The following GRAMD1C variants were observed in gnomAD, a reference collection of about 807,000 sequenced individuals.
GRAMD1C encodes the protein protein Aster-C.
GRAMD1C carries 89 observed loss-of-function variants against 97.8 expected under a neutral mutation model. That is an observed-to-expected ratio of 0.91 (90% CI 0.77 to 1.09). The LOEUF is 1.09. GRAMD1C is among the 50% of genes least tolerant of loss of function. GRAMD1C has a pLI of 0.00. For missense variants in GRAMD1C, 740 were observed against 766.4 expected (o/e 0.97, Z 0.41); for synonymous variants, 256 against 267.0 (o/e 0.96, Z 0.40).
upstream of GRAMD1C, chr3:113,838,761 A>G: frequency 2.3e-6 from 1 of 437,390 alleles, no homozygotes; most frequent in Non-Finnish European, 3.7e-6. Flanking sequence ...CGGCCGCCAG[A>G]GGGCGCAAGG....
intron 11 of GRAMD1C, among the ~76,000 whole-genome samples, chr3:113,931,740 G>A (rs1014319242): frequency 4.6e-5 from 7 of 152,016 alleles, no homozygotes; most frequent in African/African-American, 7.2e-5. Flanking sequence ...ATCAGACTGC[G>A]CAACACAGTG....
upstream of GRAMD1C, among the ~76,000 whole-genome samples, chr3:113,836,151 C>A (rs1261039371): frequency 6.6e-6 from 1 of 152,028 alleles, no homozygotes; most frequent in Non-Finnish European, 1.5e-5. Context: ...GTAGTCCCAG[C>A]TACTCAGGAG....
chr3:113,928,426 T>G (rs1044191427), intron 10 of GRAMD1C, among the ~76,000 whole-genome samples: 1 of 152,188 alleles, frequency 6.6e-6, no homozygotes, highest in African/African-American at 2.4e-5. Flanking sequence ...TATGATAACA[T>G]CCATATGCCA....
intron 2 of GRAMD1C, among the ~76,000 whole-genome samples, chr3:113,861,817 G>T (rs1934387713): frequency 6.6e-6 from 1 of 152,126 alleles, no homozygotes; most frequent in South Asian, 2.1e-4. Flanking sequence ...CCTGCCCCCA[G>T]TAGTCATGTA....
At chr3:113,874,381 CAG>C (rs1934945055) in intron 3 of GRAMD1C, among the ~76,000 whole-genome samples, 1 of 150,962 alleles carries the variant, frequency 6.6e-6, no homozygotes. Flanking sequence ...TTTTTGGAGA[CAG>C]AGTCTCGCTC....
At chr3:113,833,120 C>CTTTCT (rs1433365897) in intron 1 of GRAMD1C, among the ~76,000 whole-genome samples, 1,401 of 129,458 alleles carry the variant, frequency 0.011, 16 homozygotes, top group Non-Finnish European at 0.018. Context: ...TTCTTTCTTT[C>CTTTCT]TTTTTTTTTT....
Position 113,924,735 on chromosome 3 carries a change from G to A in GRAMD1C, c.1091-5979G>A, listed in dbSNP as rs139904472. Among the ~76,000 whole-genome samples the A allele has an allele frequency of 1.2e-3, 187 of 152,312 alleles. 1 individual carries two copies. The highest frequency in any genetic ancestry group is 4.3e-3 in the African/African-American group (180 of 41,568). On this transcript the variant is annotated intron_variant, in intron 10 of 17. Coordinates refer to ENST00000358160, the MANE Select transcript of GRAMD1C (RefSeq NM_017577.5). ...TGTGCCAGGTGCAAATGAGAAGAAC[G>A]TATATTCTGCTGTTTTGGGGTGGAG...
chr3:113,841,166 A>T (rs776445509), intron 1 of GRAMD1C, among the ~76,000 whole-genome samples: 1 of 151,984 alleles, frequency 6.6e-6, no homozygotes, highest in African/African-American at 2.4e-5. Flanking sequence ...ATCATCGAGG[A>T]TGCAGTAATG....
intron 10 of GRAMD1C, among the ~76,000 whole-genome samples, chr3:113,927,740 C>T (rs1937275705): frequency 6.6e-6 from 1 of 152,172 alleles, no homozygotes; most frequent in African/African-American, 2.4e-5. Context: ...AAGGTGTTTC[C>T]TGGGGCAACA....
intron 10 of GRAMD1C, among the ~76,000 whole-genome samples, chr3:113,929,081 C>A (rs531173373): frequency 5.8e-4 from 89 of 152,174 alleles, no homozygotes; most frequent in Non-Finnish European, 1.1e-3. Flanking sequence ...TTTTACATTT[C>A]CACAAGCAAT....
chr3:113,892,549 T>A (rs555797544), intron 6 of GRAMD1C, among the ~76,000 whole-genome samples: 1 of 152,212 alleles, frequency 6.6e-6, no homozygotes, highest in Non-Finnish European at 1.5e-5. Context: ...TTTCTAATAT[T>A]TGACCTGGTG....
chr3:113,886,777 G>GTTTTTTTTTTT (rs34683672), intron 6 of GRAMD1C, among the ~76,000 whole-genome samples: 4 of 80,038 alleles, frequency 5.0e-5, no homozygotes, highest in Non-Finnish European at 9.1e-5. Flanking sequence ...TTGTTTGCTT[G>GTTTTTTTTTTT]TTTTTTTTTT....
chr3:113,876,087 T>C, intron 4 of GRAMD1C, 78 bp from the exon 5 acceptor site: 1 of 709,556 alleles, frequency 1.4e-6, no homozygotes, highest in East Asian at 2.5e-5. Flanking sequence ...TATTCTGGAT[T>C]AGATTGATGG....
intron 6 of GRAMD1C, among the ~76,000 whole-genome samples, chr3:113,887,085 G>GTTT (rs531763397): frequency 0.044 from 3,153 of 71,304 alleles, 569 homozygotes; most frequent in African/African-American, 0.087. Context: ...TGGCCTTTTT[G>GTTT]TTTTTTTTTT....
rs1350764870 is a variant in GRAMD1C, at chr3:113,930,738, C to A, written c.1115C>A (p.Ala372Glu). 1 of 1,605,920 alleles carries A rather than the reference C, an allele frequency of 6.2e-7. No individual in the cohort carries two copies. The change falls in exon 11 of 18, where the codon GCA becomes GAA. Residue 372 changes from alanine to glutamate, a missense_variant. Coordinates refer to ENST00000358160, the MANE Select transcript of GRAMD1C (RefSeq NM_017577.5). ...GATGTAGTATCTACCCCTTGGACTG[C>A]AGAACTTGGAGGTGATCAGCTGAGA... ...IIDVVSTPWT[A>E]ELGGDQLRTM...
chr3:113,896,565 A>T (rs1935958175), intron 6 of GRAMD1C, among the ~76,000 whole-genome samples: 1 of 152,210 alleles, frequency 6.6e-6, no homozygotes, highest in Admixed American at 6.5e-5. Flanking sequence ...CTATTTGTTC[A>T]CCATCGTAAA....
intron 2 of GRAMD1C, among the ~76,000 whole-genome samples, chr3:113,847,318 C>T (rs965779340): frequency 6.6e-6 from 1 of 152,052 alleles, no homozygotes; most frequent in African/African-American, 2.4e-5. Flanking sequence ...CTCAGTCTGT[C>T]CAAAATATAA....
intron 6 of GRAMD1C, among the ~76,000 whole-genome samples, chr3:113,894,804 T>A (rs531175531): frequency 2.6e-5 from 4 of 152,196 alleles, no homozygotes; most frequent in Non-Finnish European, 5.9e-5. Flanking sequence ...ATAGCATATG[T>A]TAGATTCAGG....
At position 113,855,676 on chromosome 3, in the gene GRAMD1C, G is replaced by A. The variant is rs1472128466; in HGVS notation, c.174+11027G>A. ...GCTGAGATCACACCACTGTACTCCA[G>A]CCTGGGTGACGAGTGAGACTCTGTC... On this transcript the variant is annotated intron_variant, in intron 2 of 17. Coordinates refer to ENST00000358160, the MANE Select transcript of GRAMD1C (RefSeq NM_017577.5). 2.6e-5 allele frequency among the ~76,000 whole-genome samples: 4 copies of A among 151,336 alleles called. No individual in the cohort carries two copies. The East Asian group carries it at 7.8e-4, about 30-fold the overall frequency.
Sources: gnomAD v4.1 joint callset for allele counts (sites outside exome capture counted in the v4.1 genomes callset) on GRCh38, gnomAD v4.1.1 for gene constraint, MANE v1.5 for transcripts, NCBI Gene and HGNC (gene_info 2026-07-23, HGNC 2026-07-21) for gene names.